The following USH2A variants were observed in gnomAD, a reference collection of about 807,000 sequenced individuals.
USH2A encodes Usher syndrome 2A (autosomal recessive, mild).
Under a neutral mutation model 538.9 loss-of-function variants are expected in USH2A, and 443 were observed. That is an observed-to-expected ratio of 0.82 (90% confidence interval 0.76 to 0.89). USH2A has a LOEUF of 0.89. USH2A is among the 40% of genes least tolerant of loss of function. The pLI, the probability that USH2A is intolerant of heterozygous loss-of-function variation, is 0.00. For synonymous variants in USH2A, 2,413 were observed against 2,273.5 expected, an observed-to-expected ratio of 1.06 and a Z score of -1.75; for missense variants, 6,633 against 6,324.8, an observed-to-expected ratio of 1.05 and a Z score of -1.65.
At chr1:216,110,490 T>C (rs548125880) in intron 21 of USH2A, among the ~76,000 whole-genome samples, 1 of 152,290 alleles carries the variant, frequency 6.6e-6, no homozygotes, top group African/African-American at 2.4e-5. Flanking sequence ...TAAAGATACA[T>C]CAGTTCCATT....
At chr1:215,690,979 G>A (rs1658583163) in intron 61 of USH2A, among the ~76,000 whole-genome samples, 1 of 151,970 alleles carries the variant, frequency 6.6e-6, no homozygotes, top group Admixed American at 6.6e-5. Flanking sequence ...CACCTCCCAG[G>A]TTCAAGCGAT....
At position 216,057,030 on chromosome 1, in the gene USH2A, C is replaced by A. The variant is rs150800046; in HGVS notation, c.6050-8383G>T. 3.0e-3 allele frequency among the ~76,000 whole-genome samples: 455 copies of A among 152,142 alleles called. 5 individuals are homozygous for A. The highest frequency in any genetic ancestry group is 0.011 in the African/African-American group (447 of 41,508). The stretch of plus-strand genomic sequence containing the variant: ...TGCCTAGTTGATTATCACTGTAGAA[C>A]AAAAGTTATATATTTTCATCATTTT... On this transcript the variant is annotated intron_variant, in intron 30 of 71. Transcript: ENST00000307340.
chr1:216,246,558 T>A (rs143390127), intron 13 of USH2A, 27 bp downstream of exon 13: 1 of 1,613,940 alleles, frequency 6.2e-7, no homozygotes, highest in East Asian at 2.2e-5. Context: ...CATTGTGCAC[T>A]GAAAATGTAA....
intron 32 of USH2A, among the ~76,000 whole-genome samples, chr1:216,005,388 A>G (rs1004012188): frequency 6.6e-6 from 1 of 152,134 alleles, no homozygotes; most frequent in African/African-American, 2.4e-5. Context: ...CTTTTCATTT[A>G]TATCTTGATA....
chr1:216,117,603 T>C (rs1476776807), intron 21 of USH2A, among the ~76,000 whole-genome samples: 1 of 152,094 alleles, frequency 6.6e-6, no homozygotes, highest in Non-Finnish European at 1.5e-5. Flanking sequence ...AAAAACTGTT[T>C]AGAAATTAGA....
chr1:215,933,008 C>T (rs1666402596), intron 38 of USH2A, among the ~76,000 whole-genome samples: 1 of 151,974 alleles, frequency 6.6e-6, no homozygotes, highest in Non-Finnish European at 1.5e-5. Context: ...TTCCTAAAAA[C>T]ATAAACAATG....
intron 3 of USH2A, among the ~76,000 whole-genome samples, chr1:216,410,164 A>T (rs561458888): frequency 5.9e-5 from 9 of 151,634 alleles, no homozygotes; most frequent in Non-Finnish European, 1.0e-4. Flanking sequence ...ATCTCACATC[A>T]GTCAGAATGT....
rs553667216 is a variant in USH2A, at chr1:215,927,369, T to G, written c.7300+7247A>C. 1.6e-3 allele frequency among the ~76,000 whole-genome samples: 236 copies of G among 152,202 alleles called. 1 individual carries two copies. Among genetic ancestry groups the G allele is most frequent in the African/African-American group, 5.1e-3 (210 of 41,554 alleles). On this transcript the variant is annotated intron_variant, in intron 38 of 71. Coordinates refer to ENST00000307340, the MANE Select transcript of USH2A (RefSeq NM_206933.4). ...ATCAAACTATGCATTATGAATATAG[T>G]TTTGGCAGCAAATATGCTGGACTTA...
intron 35 of USH2A, among the ~76,000 whole-genome samples, chr1:215,982,959 T>G (rs191013354): frequency 4.9e-4 from 74 of 152,294 alleles, no homozygotes; most frequent in African/African-American, 1.7e-3. Context: ...TTTTATTTAT[T>G]TATTTATTGA....
chr1:216,314,587 G>A (rs1048003174), intron 9 of USH2A, among the ~76,000 whole-genome samples: 1 of 151,962 alleles, frequency 6.6e-6, no homozygotes, highest in Non-Finnish European at 1.5e-5. Flanking sequence ...TGCTCTAAAG[G>A]AATCTTTCAA....
rs2102634590 is a variant in USH2A, at chr1:215,639,157, A to G, written c.15050T>C (p.Leu5017Pro). ...CAAGTATAATATGAGTTGTTTACCAAGTCCAGTAGAGGTATCATATTGGAT... is the reference window on the plus strand; with the variant it reads ...CAAGTATAATATGAGTTGTTTACCAGGTCCAGTAGAGGTATCATATTGGAT... ...PLIQYDTSTG[L>P]GLVLTTPGKK... Residue 5017 changes from leucine to proline, a missense_variant and splice_region_variant, in exon 69 of 72, where the codon CTT becomes CCT. Leu to Pro is a moderately conservative substitution (Grantham distance 98). Transcript: ENST00000307340. 6.2e-7 allele frequency: 1 copy of G among 1,614,112 alleles called. No homozygotes were observed. Among genetic ancestry groups the G allele is most frequent in the Non-Finnish European group, 8.5e-7 (1 of 1,179,948 alleles).
At chr1:215,905,699 T>C (rs987621825) in intron 38 of USH2A, among the ~76,000 whole-genome samples, 1 of 152,020 alleles carries the variant, frequency 6.6e-6, no homozygotes, top group Non-Finnish European at 1.5e-5. Context: ...AGGTTAATGA[T>C]GTTCTCAGCC....
Position 215,674,118 on chromosome 1 carries a change from T to A in USH2A, c.13793A>T (p.Gln4598Leu). The A allele has an allele frequency of 6.2e-7, 1 of 1,614,144 alleles. No individual in the cohort carries two copies. Among genetic ancestry groups the A allele is most frequent in the Non-Finnish European group, 8.5e-7 (1 of 1,180,002 alleles). Reference protein sequence around the residue: ...SFGMQSYIVNQLKPFHRYEIR... With the variant: ...SFGMQSYIVNLLKPFHRYEIR... ...TACCTACCTGTGAAATGGCTTCAGC[T>A]GGTTTACTATATATGACTGCATACC... The change falls in exon 63 of 72, where the codon CAG becomes CTG. Residue 4598 changes from glutamine (Q) to leucine (L), a missense_variant. Gln to Leu is a moderately radical substitution (Grantham distance 113). Coordinates refer to ENST00000307340, the MANE Select transcript of USH2A (RefSeq NM_206933.4).
chr1:215,955,319 A>G (rs1571844269), intron 37 of USH2A, among the ~76,000 whole-genome samples: 1 of 152,198 alleles, frequency 6.6e-6, no homozygotes, highest in Admixed American at 6.5e-5. Flanking sequence ...AATATCCCAG[A>G]AACAGGCACC....
At chr1:216,202,603 T>C (rs2035024630) in intron 16 of USH2A, among the ~76,000 whole-genome samples, 1 of 152,172 alleles carries the variant, frequency 6.6e-6, no homozygotes, top group African/African-American at 2.4e-5. Context: ...CAGAGAAACA[T>C]TTACAGTCCT....
chr1:215,983,878 C>T (rs1267840345), intron 35 of USH2A, among the ~76,000 whole-genome samples: 3 of 152,160 alleles, frequency 2.0e-5, no homozygotes, highest in Admixed American at 1.3e-4. Context: ...CAGTAAACTT[C>T]TTTATGTTTT....
rs945740524 is a variant in USH2A, at chr1:216,412,785, A to G, written c.651+5729T>C. ...CAGTGACCCATGTTCATGGCAAGTT[A>G]TTACTTTTAGTTTAAGGTCAGAGAA... On this transcript the variant is annotated intron_variant, in intron 3 of 71. Coordinates refer to ENST00000307340, the MANE Select transcript of USH2A (RefSeq NM_206933.4). Among the ~76,000 whole-genome samples the G allele has an allele frequency of 2.6e-5, 4 of 151,720 alleles. No individual in the cohort carries two copies. In the East Asian group the frequency reaches 7.7e-4, roughly 29 times the overall value.
chr1:216,324,342 A>G lies in USH2A; in HGVS notation c.1154T>C (p.Ile385Thr). 6.2e-7 allele frequency: 1 copy of G among 1,611,128 alleles called. No homozygotes were observed. ...TTGTGGACTAAAGAACTGAATGATA[A>G]TATAAAACACCTGAAAATGGAAAGT... ...LENGQYQVFY[I>T]IIQFFSPQPT... The change falls in exon 7 of 72, where the codon ATT becomes ACT. Residue 385 changes from isoleucine to threonine, a missense_variant. Transcript: ENST00000307340.
intron 54 of USH2A, among the ~76,000 whole-genome samples, chr1:215,780,934 T>A (rs1444688174): frequency 6.6e-6 from 1 of 152,264 alleles, no homozygotes; most frequent in Non-Finnish European, 1.5e-5. Flanking sequence ...TCTAAAGTTT[T>A]AAGCATATGA....
Sources: gnomAD v4.1 joint callset for allele counts (sites outside exome capture counted in the v4.1 genomes callset) on GRCh38, gnomAD v4.1.1 for gene constraint, MANE v1.5 for transcripts, NCBI Gene and HGNC (gene_info 2026-07-23, HGNC 2026-07-21) for gene names.